The following PDLIM5 variants were observed in gnomAD, a reference collection of about 807,000 sequenced individuals.
The protein encoded by PDLIM5 is PDZ and LIM domain protein 5.
Under a neutral mutation model 64.2 loss-of-function variants are expected in PDLIM5, and 34 were observed. The ratio of observed to expected loss-of-function variants is 0.53; its 90% CI spans 0.40 to 0.71. The LOEUF is 0.71. PDLIM5 is among the 30% of genes least tolerant of loss of function. PDLIM5 has a pLI of 0.00. For synonymous variants in PDLIM5, 253 were observed against 269.1 expected, an observed-to-expected ratio of 0.94 and a Z score of 0.59; for missense variants, 683 against 733.6, an observed-to-expected ratio of 0.93 and a Z score of 0.80.
intron 11 of PDLIM5, among the ~76,000 whole-genome samples, chr4:94,659,538 GTA>G (rs1220655844): frequency 4.4e-5 from 6 of 137,838 alleles, no homozygotes; most frequent in African/African-American, 1.3e-4. Context: ...GTGTGTGTGT[GTA>G]TTGTTTAGAC....
chr4:94,634,960 G>A (rs1308751191), intron 8 of PDLIM5, among the ~76,000 whole-genome samples: 2 of 152,108 alleles, frequency 1.3e-5, no homozygotes, highest in African/African-American at 4.8e-5. Flanking sequence ...AAGTTTTCTG[G>A]TATGTTGCTA....
At chr4:94,558,025 A>G (rs1166947701) in intron 3 of PDLIM5, among the ~76,000 whole-genome samples, 2 of 152,110 alleles carry the variant, frequency 1.3e-5, no homozygotes, top group African/African-American at 2.4e-5. Context: ...CCCATTCAGT[A>G]TGATATTGGC....
chr4:94,588,590 A>C (rs1009245583), intron 7 of PDLIM5, among the ~76,000 whole-genome samples: 1 of 151,708 alleles, frequency 6.6e-6, no homozygotes, highest in African/African-American at 2.4e-5. Flanking sequence ...TAAATAAATA[A>C]ATAAATAAAT....
At chr4:94,499,241 T>G (rs2126130002) in intron 2 of PDLIM5, among the ~76,000 whole-genome samples, 1 of 152,288 alleles carries the variant, frequency 6.6e-6, no homozygotes, top group Non-Finnish European at 1.5e-5. Flanking sequence ...CACAGGTCTT[T>G]ATTTAATTAC....
At chr4:94,532,824 C>T (rs1042882533) in intron 3 of PDLIM5, among the ~76,000 whole-genome samples, 9 of 152,080 alleles carry the variant, frequency 5.9e-5, no homozygotes, top group Admixed American at 5.9e-4. Context: ...CATGGTGAAA[C>T]CCCGTCTCTA....
At chr4:94,601,696 T>G (rs1025579166) in intron 7 of PDLIM5, among the ~76,000 whole-genome samples, 3 of 152,200 alleles carry the variant, frequency 2.0e-5, no homozygotes, top group Admixed American at 6.5e-5. Flanking sequence ...TACTTGCTTA[T>G]TTTTAAATTC....
At chr4:94,621,269 C>T (rs561258333) in intron 8 of PDLIM5, among the ~76,000 whole-genome samples, 33 of 152,102 alleles carry the variant, frequency 2.2e-4, no homozygotes, top group African/African-American at 7.5e-4. Flanking sequence ...TATTATTAGT[C>T]TCTGAAATTT....
rs571213890 is a variant in PDLIM5, at chr4:94,547,798, A to G, written c.248+23923A>G. The stretch of plus-strand genomic sequence containing the variant: ...CAGACTCCTTTCTAGACTTCTTCTC[A>G]TGTTGGTTGGTTGGTCTTGTAGTTT... On this transcript the variant is annotated intron_variant, in intron 3 of 12. Transcript: ENST00000317968. 2.2e-4 allele frequency among the ~76,000 whole-genome samples: 33 copies of G among 152,222 alleles called. No individual in the cohort carries two copies. The South Asian group carries it at 6.4e-3, about 30-fold the overall frequency.
At chr4:94,650,585 T>G (rs1026052069) in intron 9 of PDLIM5, among the ~76,000 whole-genome samples, 1 of 152,082 alleles carries the variant, frequency 6.6e-6, no homozygotes, top group Non-Finnish European at 1.5e-5. Context: ...CTGATTTCTC[T>G]GACGTTTTCT....
intron 2 of PDLIM5, among the ~76,000 whole-genome samples, chr4:94,493,187 G>A (rs1184813680): frequency 6.6e-6 from 1 of 151,996 alleles, no homozygotes; most frequent in Non-Finnish European, 1.5e-5. Flanking sequence ...CGGATCTTTT[G>A]CCTATTTAAA....
intron 3 of PDLIM5, among the ~76,000 whole-genome samples, chr4:94,532,028 A>C (rs1730920201): frequency 6.6e-6 from 1 of 152,112 alleles, no homozygotes; most frequent in African/African-American, 2.4e-5. Flanking sequence ...CCTAAGCCAG[A>C]AAGTCATCTT....
intron 7 of PDLIM5, among the ~76,000 whole-genome samples, chr4:94,617,679 A>T (rs1345980693): frequency 6.6e-6 from 1 of 151,824 alleles, no homozygotes; most frequent in African/African-American, 2.4e-5. Flanking sequence ...GAAGAAGAAA[A>T]AGAGTAACTG....
At chr4:94,584,059 A>G (rs1735963780) in intron 5 of PDLIM5, among the ~76,000 whole-genome samples, 1 of 152,194 alleles carries the variant, frequency 6.6e-6, no homozygotes, top group African/African-American at 2.4e-5. Flanking sequence ...GTGTGCTGAG[A>G]CAGTTTTGGT....
intron 5 of PDLIM5, among the ~76,000 whole-genome samples, chr4:94,584,218 T>C (rs966190322): frequency 6.6e-5 from 10 of 152,260 alleles, no homozygotes; most frequent in African/African-American, 2.2e-4. Flanking sequence ...AGTAGTCTGC[T>C]AGTCCAGATT....
At chr4:94,487,822 G>T (rs914399596) in intron 2 of PDLIM5, among the ~76,000 whole-genome samples, 1 of 152,162 alleles carries the variant, frequency 6.6e-6, no homozygotes, top group African/African-American at 2.4e-5. Context: ...GGGTGTATAG[G>T]AGTCTCTGGA....
intron 3 of PDLIM5, among the ~76,000 whole-genome samples, chr4:94,544,657 T>A (rs1732147924): frequency 6.6e-6 from 1 of 152,182 alleles, no homozygotes; most frequent in Non-Finnish European, 1.5e-5. Flanking sequence ...TGAAATCTAG[T>A]CCTTTATTTA....
At chr4:94,503,861 T>C (rs1560661380) in intron 2 of PDLIM5, among the ~76,000 whole-genome samples, 1 of 152,214 alleles carries the variant, frequency 6.6e-6, no homozygotes, top group Non-Finnish European at 1.5e-5. Context: ...TAGCATCAAG[T>C]TACTTAACGT....
At position 94,657,466 on chromosome 4, in the gene PDLIM5, T is replaced by C; in HGVS notation, c.1504T>C (p.Cys502Arg). ...GTTGAAACAAACTTGGCATGTTTCCTGTTTTGTGTGTGTAGCCTGTGGAAA... is the reference window on the plus strand; with the variant it reads ...GTTGAAACAAACTTGGCATGTTTCCCGTTTTGTGTGTGTAGCCTGTGGAAA... ...SALKQTWHVS[C>R]FVCVACGKPI... The change falls in exon 11 of 13, where the codon TGT (cysteine) becomes CGT (arginine). Residue 502 changes from cysteine to arginine, a missense_variant. By Grantham distance (180) the Cys-to-Arg change is radical (BLOSUM62 -3). Transcript: ENST00000317968. 2 of 1,605,696 alleles carry C rather than the reference T, an allele frequency of 1.2e-6. No individual in the cohort carries two copies. Among genetic ancestry groups the C allele is most frequent in the African/African-American group, 1.3e-5 (1 of 74,890 alleles).
At chr4:94,527,046 C>CT (rs57625095) in intron 3 of PDLIM5, among the ~76,000 whole-genome samples, 1,343 of 57,778 alleles carry the variant, frequency 0.023, 252 homozygotes, top group Non-Finnish European at 0.032. Context: ...GAACAGCATT[C>CT]TTTTTTTTTT....
Sources: gnomAD v4.1 joint callset for allele counts (sites outside exome capture counted in the v4.1 genomes callset) on GRCh38, gnomAD v4.1.1 for gene constraint, MANE v1.5 for transcripts, NCBI Gene and HGNC (gene_info 2026-07-23, HGNC 2026-07-21) for gene names.